The following PDIA5 variants were observed in gnomAD, a reference collection of about 807,000 sequenced individuals.
PDIA5 encodes the protein protein disulfide-isomerase A5.
PDIA5 carries 58 observed loss-of-function variants against 77.6 expected under a neutral mutation model. The observed-to-expected ratio is 0.75, with a 90% CI of 0.61 to 0.93. PDIA5 has a LOEUF of 0.93. Among genes scored for constraint, PDIA5 ranks in the 40% least tolerant of loss-of-function variants. PDIA5 has a pLI of 0.00. For missense variants in PDIA5, 630 were observed against 647.7 expected (o/e 0.97, Z 0.30); for synonymous variants, 250 against 252.1 (o/e 0.99, Z 0.08).
At chr3:123,126,261 T>C (rs546912411) in intron 10 of PDIA5, among the ~76,000 whole-genome samples, 3 of 150,038 alleles carry the variant, frequency 2.0e-5, no homozygotes, top group Non-Finnish European at 4.4e-5. Flanking sequence ...CCCACCCGCA[T>C]TGCTCCGGCT....
At chr3:123,106,107 C>T (rs1576445346) in intron 5 of PDIA5, among the ~76,000 whole-genome samples, 1 of 152,348 alleles carries the variant, frequency 6.6e-6, no homozygotes. Flanking sequence ...GGGGCCCCAG[C>T]ATGAGAAGTA....
chr3:123,137,995 G>T (rs1000889905), intron 11 of PDIA5, among the ~76,000 whole-genome samples: 1 of 152,200 alleles, frequency 6.6e-6, no homozygotes, highest in East Asian at 1.9e-4. Flanking sequence ...ACCCAGGCTG[G>T]AATGCAGTGG....
At chr3:123,068,574 C>T (rs1288946806) in intron 1 of PDIA5, among the ~76,000 whole-genome samples, 1 of 152,228 alleles carries the variant, frequency 6.6e-6, no homozygotes, top group Non-Finnish European at 1.5e-5. Flanking sequence ...CGCCCCCCAT[C>T]GGTCTTTGCA....
chr3:123,119,689 TCA>T (rs1935063059), intron 8 of PDIA5, among the ~76,000 whole-genome samples: 1 of 152,186 alleles, frequency 6.6e-6, no homozygotes, highest in South Asian at 2.1e-4. Context: ...CTTTTTGTCT[TCA>T]CACACAGAAA....
intron 11 of PDIA5, among the ~76,000 whole-genome samples, chr3:123,144,074 G>A (rs959540006): frequency 5.9e-5 from 9 of 152,156 alleles, no homozygotes; most frequent in Non-Finnish European, 1.2e-4. Flanking sequence ...AACGAGACAG[G>A]TTCATGTCTC....
chr3:123,159,911 C>T (rs1417073255), intron 15 of PDIA5, among the ~76,000 whole-genome samples: 1 of 152,194 alleles, frequency 6.6e-6, no homozygotes. Context: ...ACAGGATTCT[C>T]CTACCTGGAA....
In PDIA5 at chr3:123,155,142, AG is replaced by A. The variant is rs1442344046; in HGVS notation, c.1344+102del. On this transcript the variant is annotated intron_variant, in intron 15 of 16. Transcript: ENST00000316218. The stretch of plus-strand genomic sequence containing the variant: ...TCCCCAAACAGGGGCAGGTCTGCTA[AG>A]ACCTGTAAGCAGGAAATTCCTTGGG... 3.7e-6 allele frequency: 3 copies of A among 816,494 alleles called. No individual in the cohort carries two copies. In the African/African-American group the frequency reaches 5.0e-5, roughly 14 times the overall value. The allele number at this position is 816,494 out of a possible 1,614,324, so 50.6% of individuals were successfully genotyped here.
chr3:123,160,099 G>A (rs1000484562), intron 15 of PDIA5, among the ~76,000 whole-genome samples: 19 of 152,196 alleles, frequency 1.2e-4, no homozygotes, highest in African/African-American at 3.9e-4. Context: ...ACTGGACTTT[G>A]TCAAGGTCGA....
chr3:123,087,578 A>G (rs62263188), intron 1 of PDIA5, among the ~76,000 whole-genome samples: 12,998 of 151,106 alleles, frequency 0.086, 954 homozygotes, highest in Admixed American at 0.25. Flanking sequence ...ATAACATTCT[A>G]TTCTTATTTT....
At chr3:123,135,463 C>T (rs1278567085) in intron 11 of PDIA5, among the ~76,000 whole-genome samples, 1 of 152,148 alleles carries the variant, frequency 6.6e-6, no homozygotes, top group African/African-American at 2.4e-5. Context: ...ACTCATCGAC[C>T]CATTTTCCTT....
At chr3:123,113,716 G>C (rs1049085377) in intron 7 of PDIA5, among the ~76,000 whole-genome samples, 3 of 152,178 alleles carry the variant, frequency 2.0e-5, no homozygotes, top group African/African-American at 7.2e-5. Context: ...CCCTAACTGG[G>C]ACGTCTGTTA....
intron 3 of PDIA5, among the ~76,000 whole-genome samples, chr3:123,101,176 G>A (rs1934582609): frequency 6.6e-6 from 1 of 152,210 alleles, no homozygotes; most frequent in Non-Finnish European, 1.5e-5. Flanking sequence ...CAGTGAAGGA[G>A]CTAGTCTAAT....
rs1177572730 is a variant in PDIA5, at chr3:123,152,083, T to TCCTTCCTG, written c.1273+1735_1273+1742dup. ...TTCCTGCCTGCCTTTCTTCCTGCCT[T>TCCTTCCTG]CCTTCCTGCCTTCCTGCCTTCCTTC... On this transcript the variant is annotated intron_variant, in intron 14 of 16. Coordinates refer to ENST00000316218, the MANE Select transcript of PDIA5 (RefSeq NM_006810.4). 3.4e-5 allele frequency among the ~76,000 whole-genome samples: 3 copies of TCCTTCCTG among 87,546 alleles called. 1 individual carries two copies. Among genetic ancestry groups the TCCTTCCTG allele is most frequent in the Admixed American group, 2.1e-4 (2 of 9,348 alleles). The allele number at this position is 87,546 out of a possible 152,430, so 57.4% of individuals were successfully genotyped here.
chr3:123,104,999 G>C (rs562092575), intron 5 of PDIA5, among the ~76,000 whole-genome samples: 1 of 152,354 alleles, frequency 6.6e-6, no homozygotes, highest in East Asian at 1.9e-4. Context: ...AAGGTTGTGT[G>C]TACGAACATG....
At chr3:123,072,912 C>CTGTGTGTGTGTGTGTGTGTG (rs66567660) in intron 1 of PDIA5, among the ~76,000 whole-genome samples, 1,501 of 146,888 alleles carry the variant, frequency 0.01, 25 homozygotes, top group African/African-American at 0.025. Flanking sequence ...ACCTCTCCTT[C>CTGTGTGTGTGTGTGTGTGTG]TGTGTGTGTG....
intron 4 of PDIA5, 39 bp downstream of exon 4, chr3:123,102,533 C>A: frequency 6.9e-7 from 1 of 1,453,900 alleles, no homozygotes; most frequent in South Asian, 1.1e-5. Context: ...CAAGTAAGTG[C>A]CAAATGCTTT....
At chr3:123,115,456 C>T (rs1576449619) in intron 7 of PDIA5, among the ~76,000 whole-genome samples, 1 of 152,276 alleles carries the variant, frequency 6.6e-6, no homozygotes, top group Middle Eastern at 3.4e-3. Context: ...CCATGGTAGA[C>T]CACAGAGCCC....
chr3:123,154,662 C>A lies in PDIA5; in HGVS notation c.1274-309C>A, dbSNP rs77301157. 5.5e-4 allele frequency among the ~76,000 whole-genome samples: 84 copies of A among 152,266 alleles called. 1 individual carries two copies. The East Asian group carries it at 0.015, about 27-fold the overall frequency. ...TTTAAGCCCAAAGCTCCCTCTGCCC[C>A]CAAGATCAGGCTGTTCCTCGTCCTC... On this transcript the variant is annotated intron_variant, in intron 14 of 16. Transcript: ENST00000316218.
intron 13 of PDIA5, among the ~76,000 whole-genome samples, chr3:123,149,960 G>A (rs116775500): frequency 3.3e-5 from 5 of 152,112 alleles, no homozygotes; most frequent in African/African-American, 9.7e-5. Context: ...GCCCACAACT[G>A]GGGGGGCTGC....
Sources: allele counts gnomAD v4.1 joint callset (sites outside exome capture counted in the v4.1 genomes callset), GRCh38; gene constraint gnomAD v4.1.1; transcripts MANE v1.5; gene names NCBI Gene and HGNC (gene_info 2026-07-23, HGNC 2026-07-21).